Variants in MYRIP observed in about 807,000 individuals in gnomAD.
MYRIP encodes the protein rab effector MyRIP.
MYRIP carries 49 observed loss-of-function variants against 98.0 expected under a neutral mutation model. The observed-to-expected ratio is 0.50, with a 90% CI of 0.40 to 0.63. The LOEUF (loss-of-function observed/expected upper bound fraction) is 0.63, where lower values mean the gene tolerates loss of function less well. Among genes scored for constraint, MYRIP ranks in the 30% least tolerant of loss-of-function variants. MYRIP has a pLI of 0.00. For synonymous variants in MYRIP, 404 were observed against 409.5 expected (o/e 0.99, Z 0.16); for missense variants, 1,004 against 1,058.2 (o/e 0.95, Z 0.71).
intron 2 of MYRIP, among the ~76,000 whole-genome samples, chr3:39,970,533 C>T (rs2125743968): frequency 6.6e-6 from 1 of 152,198 alleles, no homozygotes; most frequent in East Asian, 1.9e-4. Flanking sequence ...TCTTAGTGAT[C>T]ATACATTTCT....
At chr3:39,863,506 A>T (rs1942530492) in intron 1 of MYRIP, among the ~76,000 whole-genome samples, 1 of 151,970 alleles carries the variant, frequency 6.6e-6, no homozygotes, top group African/African-American at 2.4e-5. Flanking sequence ...ACAAAAACAA[A>T]ACCTCTCAGA....
At position 39,900,816 on chromosome 3, in the gene MYRIP, C is replaced by T. The variant is rs1160754935; in HGVS notation, c.-1C>T. The T allele has an allele frequency of 2.5e-6, 4 of 1,612,408 alleles. No homozygotes were observed. The highest frequency in any genetic ancestry group is 2.7e-5 in the African/African-American group (2 of 74,804). ...TGTTTCATCATCTGTGTTGAGTAACCATGGGGAGGAAGCTGGACCTGTCTG... is the reference window on the plus strand; with the variant it reads ...TGTTTCATCATCTGTGTTGAGTAACTATGGGGAGGAAGCTGGACCTGTCTG... On this transcript the variant is annotated 5_prime_UTR_variant, in exon 2 of 17. Transcript: ENST00000302541.
intron 8 of MYRIP, among the ~76,000 whole-genome samples, chr3:40,177,956 A>G (rs1460089178): frequency 6.6e-6 from 1 of 152,064 alleles, no homozygotes; most frequent in East Asian, 1.9e-4. Context: ...GAATGGCCAT[A>G]GTATAGAATT....
intron 3 of MYRIP, among the ~76,000 whole-genome samples, chr3:40,081,423 A>G (rs1377160837): frequency 6.6e-6 from 1 of 152,236 alleles, no homozygotes; most frequent in Non-Finnish European, 1.5e-5. Context: ...TATTAGGTAC[A>G]TACAAGTTCA....
At chr3:40,017,155 A>G (rs1946881053) in intron 2 of MYRIP, among the ~76,000 whole-genome samples, 1 of 152,240 alleles carries the variant, frequency 6.6e-6, no homozygotes, top group African/African-American at 2.4e-5. Context: ...GAGAACTTTA[A>G]GCAAAGCCAA....
chr3:39,966,825 A>G (rs1945454408), intron 2 of MYRIP, among the ~76,000 whole-genome samples: 1 of 152,200 alleles, frequency 6.6e-6, no homozygotes, highest in African/African-American at 2.4e-5. Flanking sequence ...GTCACCTGCC[A>G]GGGTTTCCAA....
rs60929554 is a variant in MYRIP at position 39,862,432 on chromosome 3, T to G, written c.-30-38355T>G. Among the ~76,000 whole-genome samples, 219 of 152,062 alleles carry G rather than the reference T, an allele frequency of 1.4e-3. 2 individuals are homozygous for G. The highest frequency in any genetic ancestry group is 5.1e-3 in the African/African-American group (212 of 41,526). ...CACTATAAGCAACCATACAAACAAG[T>G]GTGCATACTAACCAGCTAACAACAG... On this transcript the variant is annotated intron_variant, in intron 1 of 16. Transcript: ENST00000302541.
chr3:39,845,813 C>T (rs1485478829), intron 1 of MYRIP, among the ~76,000 whole-genome samples: 2 of 147,612 alleles, frequency 1.4e-5, no homozygotes, highest in Non-Finnish European at 3.0e-5. Context: ...GAGCAGTTGC[C>T]CTGCAGCACT....
At chr3:40,221,061 AAAAAAG>A (rs1952322721) in intron 11 of MYRIP, among the ~76,000 whole-genome samples, 1 of 151,566 alleles carries the variant, frequency 6.6e-6, no homozygotes, top group South Asian at 2.1e-4. Context: ...AAAAAAAAAA[AAAAAAG>A]AGAAAATGTA....
At chr3:39,922,040 G>A (rs1333019705) in intron 2 of MYRIP, among the ~76,000 whole-genome samples, 1 of 152,162 alleles carries the variant, frequency 6.6e-6, no homozygotes, top group Admixed American at 6.5e-5. Context: ...ACTATGAACA[G>A]TGGACAGAAG....
chr3:40,236,573 T>C (rs1952831477), intron 12 of MYRIP, among the ~76,000 whole-genome samples: 1 of 152,226 alleles, frequency 6.6e-6, no homozygotes, highest in Non-Finnish European at 1.5e-5. Flanking sequence ...AAAAACAGTG[T>C]AATAAATTCT....
intron 10 of MYRIP, among the ~76,000 whole-genome samples, chr3:40,209,490 A>G (rs1951864394): frequency 6.6e-6 from 1 of 152,120 alleles, no homozygotes; most frequent in Non-Finnish European, 1.5e-5. Context: ...GAATATGGAA[A>G]GTTTTAGTGT....
chr3:39,944,826 TTTCTAC>T (rs1420742777), intron 2 of MYRIP, among the ~76,000 whole-genome samples: 3 of 152,078 alleles, frequency 2.0e-5, no homozygotes, highest in African/African-American at 4.8e-5. Context: ...TGTTTATGAG[TTTCTAC>T]TTCTACTTCT....
chr3:40,112,240 T>G (rs757287178), intron 3 of MYRIP, among the ~76,000 whole-genome samples: 2 of 134,588 alleles, frequency 1.5e-5, no homozygotes, highest in Non-Finnish European at 3.1e-5. Context: ...AATTAATATC[T>G]CATGAGGGGG....
chr3:39,911,864 C>T (rs1177024947), intron 2 of MYRIP, among the ~76,000 whole-genome samples: 1 of 152,178 alleles, frequency 6.6e-6, no homozygotes. Flanking sequence ...GCTGCCTTCC[C>T]CTCCTTACTC....
chr3:39,830,955 C>A (rs993908971), intron 1 of MYRIP, among the ~76,000 whole-genome samples: 5 of 152,164 alleles, frequency 3.3e-5, no homozygotes, highest in African/African-American at 1.2e-4. Flanking sequence ...CGGAAACTTT[C>A]AAGATTATGA....
chr3:39,865,214 A>G (rs186324176), intron 1 of MYRIP, among the ~76,000 whole-genome samples: 41 of 152,324 alleles, frequency 2.7e-4, no homozygotes, highest in Non-Finnish European at 5.4e-4. Context: ...ACGATAACCT[A>G]GGAAATACCA....
chr3:40,008,601 G>A (rs968233017), intron 2 of MYRIP, among the ~76,000 whole-genome samples: 17 of 152,134 alleles, frequency 1.1e-4, no homozygotes, highest in African/African-American at 3.9e-4. Context: ...AGACACAGGG[G>A]TACATGAACT....
intron 2 of MYRIP, among the ~76,000 whole-genome samples, chr3:39,925,021 C>A (rs531876661): frequency 1.3e-5 from 2 of 150,948 alleles, no homozygotes; most frequent in Non-Finnish European, 3.0e-5. Context: ...AGTCTCAGAC[C>A]AATAATCTAA....
Sources: allele counts gnomAD v4.1 joint callset (sites outside exome capture counted in the v4.1 genomes callset), GRCh38; gene constraint gnomAD v4.1.1; transcripts MANE v1.5; gene names NCBI Gene and HGNC (gene_info 2026-07-23, HGNC 2026-07-21).